LRRTM4: variants seen among roughly 807,000 people sequenced by gnomAD.
LRRTM4 encodes the protein leucine rich repeat transmembrane neuronal 4, also known as leucine-rich repeat transmembrane neuronal protein 4.
A neutral mutation model predicts 47.6 loss-of-function variants in LRRTM4; 25 were observed. The ratio of observed to expected loss-of-function variants is 0.53; its 90% CI spans 0.38 to 0.73. LRRTM4 has a LOEUF of 0.73. LRRTM4 is among the 30% of genes least tolerant of loss of function. LRRTM4 has a pLI of 0.00. For synonymous variants in LRRTM4, 311 were observed against 269.5 expected (o/e 1.15, Z -1.51); for missense variants, 638 against 713.4 (o/e 0.89, Z 1.20).
intron 3 of LRRTM4, among the ~76,000 whole-genome samples, chr2:76,858,660 A>T (rs1276805886): frequency 1.3e-5 from 2 of 152,172 alleles, no homozygotes; most frequent in East Asian, 3.8e-4. Flanking sequence ...ATAAATAGAT[A>T]TTTTACTATG....
chr2:77,218,442 T>A (rs1437318012), intron 3 of LRRTM4, among the ~76,000 whole-genome samples: 1 of 152,136 alleles, frequency 6.6e-6, no homozygotes, highest in Non-Finnish European at 1.5e-5. Context: ...AAAAGTTGGC[T>A]ATTTCTTACC....
chr2:77,187,308 A>C (rs1673539099), intron 3 of LRRTM4, among the ~76,000 whole-genome samples: 1 of 152,104 alleles, frequency 6.6e-6, no homozygotes, highest in East Asian at 1.9e-4. Flanking sequence ...TGCCTGCCTT[A>C]TTCTGTGCCC....
At chr2:76,918,930 C>T (rs901888424) in intron 3 of LRRTM4, among the ~76,000 whole-genome samples, 2 of 152,188 alleles carry the variant, frequency 1.3e-5, no homozygotes, top group Non-Finnish European at 2.9e-5. Flanking sequence ...GAAAAACTCA[C>T]AGGAGTCAGA....
intron 3 of LRRTM4, among the ~76,000 whole-genome samples, chr2:77,082,684 ATAAAG>A (rs989202189): frequency 5.0e-4 from 53 of 106,336 alleles, no homozygotes; most frequent in African/African-American, 2.6e-3. Flanking sequence ...AAATATTAAC[ATAAAG>A]TAGAGAAATA....
chr2:77,406,403 C>A (rs771321025), intron 3 of LRRTM4, among the ~76,000 whole-genome samples: 15 of 152,124 alleles, frequency 9.9e-5, no homozygotes, highest in African/African-American at 3.6e-4. Context: ...CTTACTGCAG[C>A]CTCTAACTCC....
At chr2:76,764,543 C>A (rs59473135) in intron 3 of LRRTM4, among the ~76,000 whole-genome samples, 12,510 of 152,022 alleles carry the variant, frequency 0.082, 1,512 homozygotes, top group African/African-American at 0.26. Flanking sequence ...AGGCAGGAGA[C>A]TGGCATGAAC....
intron 3 of LRRTM4, among the ~76,000 whole-genome samples, chr2:76,810,931 A>G (rs1356082782): frequency 3.9e-5 from 6 of 152,216 alleles, no homozygotes; most frequent in Non-Finnish European, 8.8e-5. Context: ...ATACCATACT[A>G]TTCAATAGCA....
chr2:77,016,819 C>A (rs1243010062), intron 3 of LRRTM4, among the ~76,000 whole-genome samples: 8 of 151,898 alleles, frequency 5.3e-5, no homozygotes, highest in Non-Finnish European at 1.2e-4. Flanking sequence ...CCGCCTCTGG[C>A]TGCAGAAACT....
At chr2:76,945,203 CAG>C (rs1489602120) in intron 3 of LRRTM4, among the ~76,000 whole-genome samples, 1 of 151,950 alleles carries the variant, frequency 6.6e-6, no homozygotes, top group Non-Finnish European at 1.5e-5. Flanking sequence ...AAAAATAAGA[CAG>C]AATAAACAAG....
chr2:77,001,423 A>G (rs987379302), intron 3 of LRRTM4, among the ~76,000 whole-genome samples: 6 of 152,158 alleles, frequency 3.9e-5, no homozygotes, highest in African/African-American at 1.4e-4. Flanking sequence ...CAAGCCAACC[A>G]TATCAGAATG....
At chr2:76,993,331 G>A (rs1677080389) in intron 3 of LRRTM4, among the ~76,000 whole-genome samples, 1 of 151,700 alleles carries the variant, frequency 6.6e-6, no homozygotes, top group African/African-American at 2.4e-5. Flanking sequence ...ACAATCAACA[G>A]AATGGAAGAA....
At chr2:76,832,873 T>C (rs6725767) in intron 3 of LRRTM4, among the ~76,000 whole-genome samples, 6,719 of 152,074 alleles carry the variant, frequency 0.044, 355 homozygotes, top group African/African-American at 0.11. Context: ...AGTCAATGAA[T>C]GGAACATGCT....
chr2:77,437,694 G>A (rs546083362), intron 3 of LRRTM4, among the ~76,000 whole-genome samples: 1 of 152,138 alleles, frequency 6.6e-6, no homozygotes, highest in South Asian at 2.1e-4. Flanking sequence ...AAAATGTAAG[G>A]CCAGAATATT....
chr2:77,076,114 A>T (rs574921787), intron 3 of LRRTM4, among the ~76,000 whole-genome samples: 1 of 152,158 alleles, frequency 6.6e-6, no homozygotes, highest in Admixed American at 6.5e-5. Flanking sequence ...ATTCTCTTGG[A>T]GCCATTCTTT....
chr2:77,471,463 T>C (rs141092116), intron 3 of LRRTM4, among the ~76,000 whole-genome samples: 1 of 152,148 alleles, frequency 6.6e-6, no homozygotes, highest in Non-Finnish European at 1.5e-5. Flanking sequence ...AGATGACTTA[T>C]TGATTATGTC....
At chr2:77,133,204 A>G (rs1572994163) in intron 3 of LRRTM4, among the ~76,000 whole-genome samples, 1 of 152,316 alleles carries the variant, frequency 6.6e-6, no homozygotes. Context: ...AGTGTTGTCA[A>G]CTTTTCAATT....
At chr2:76,806,736 A>G (rs1675987121) in intron 3 of LRRTM4, among the ~76,000 whole-genome samples, 1 of 152,154 alleles carries the variant, frequency 6.6e-6, no homozygotes, top group Non-Finnish European at 1.5e-5. Flanking sequence ...GAATGGTGAT[A>G]AGATATTGTA....
intron 3 of LRRTM4, among the ~76,000 whole-genome samples, chr2:77,306,982 C>G (rs984356228): frequency 2.8e-5 from 4 of 144,186 alleles, no homozygotes; most frequent in African/African-American, 1.1e-4. Context: ...TCACTGCAAG[C>G]TCCGCCTCCC....
At chr2:77,000,032 A>T (rs1435400087) in intron 3 of LRRTM4, among the ~76,000 whole-genome samples, 2 of 151,968 alleles carry the variant, frequency 1.3e-5, no homozygotes, top group Admixed American at 6.6e-5. Context: ...TTCTTTAGAC[A>T]TTACTGAAGG....
Sources: allele counts gnomAD v4.1 joint callset (sites outside exome capture counted in the v4.1 genomes callset), GRCh38; gene constraint gnomAD v4.1.1; transcripts MANE v1.5; gene names NCBI Gene and HGNC (gene_info 2026-07-23, HGNC 2026-07-21).